Variants in NFASC observed in about 807,000 individuals in gnomAD.
The protein encoded by NFASC is neurofascin.
In NFASC, 43 loss-of-function variants were observed where a neutral mutation model predicts 147.5. The observed-to-expected ratio is 0.29, with a 90% CI of 0.23 to 0.38. The LOEUF (loss-of-function observed/expected upper bound fraction) is 0.38. Among genes scored for constraint, NFASC ranks in the 10% least tolerant of loss-of-function variants. The pLI is 1.00. For missense variants in NFASC, 1,320 were observed against 1,689.0 expected (o/e 0.78, Z 3.83); for synonymous variants, 622 against 665.5 (o/e 0.93, Z 1.01).
intron 10 of NFASC, 145 bp downstream of exon 10, chr1:204,969,127 G>A (rs1332832924): frequency 2.8e-6 from 2 of 722,838 alleles, no homozygotes; most frequent in South Asian, 1.9e-5. Flanking sequence ...TGCCATGGAT[G>A]GTGTCACTCG....
At position 204,987,322 on chromosome 1, in the gene NFASC, G is replaced by T; in HGVS notation, c.2471-96G>T. The T allele has an allele frequency of 8.2e-7, 1 of 1,226,360 alleles. No homozygotes were observed. Among genetic ancestry groups the T allele is most frequent in the Non-Finnish European group, 1.2e-6 (1 of 859,418 alleles). 76.0% of individuals were successfully genotyped at this position (1,226,360 alleles called of 1,614,324 possible). On this transcript the variant is annotated intron_variant, in intron 21 of 29. Transcript: ENST00000339876. This position sits in a 1 kb window ranked among gnomAD's most constrained non-coding sequence, Gnocchi z 4.4. ...TGTCGAGCATGGGGGTTGTCCAGAG[G>T]TCAATGCCTTCATACTTGTGCTTTG...
intron 2 of NFASC, among the ~76,000 whole-genome samples, chr1:204,935,284 C>A (rs1455846968): frequency 6.6e-6 from 1 of 152,148 alleles, no homozygotes; most frequent in Non-Finnish European, 1.5e-5. Context: ...ACAAAGATCA[C>A]CCACATGAGA....
At chr1:204,877,072 A>ATATATATAATATATTTATTTATATATT (rs2079143093) in intron 1 of NFASC, among the ~76,000 whole-genome samples, 1 of 118,198 alleles carries the variant, frequency 8.5e-6, no homozygotes, top group Non-Finnish European at 1.6e-5. Flanking sequence ...ATATATTTAT[A>ATATATATAATATATTTATTTATATATT]TATATATAAT....
chr1:204,933,146 T>C (rs536236829), intron 2 of NFASC, among the ~76,000 whole-genome samples: 76 of 151,588 alleles, frequency 5.0e-4, no homozygotes, highest in Admixed American at 9.2e-4. Context: ...TATGAAAGGG[T>C]TTTCAGAGGA....
chr1:205,002,580 G>C lies in NFASC; in HGVS notation c.3137-16G>C. The C allele has an allele frequency of 6.8e-7, 1 of 1,469,636 alleles. No individual in the cohort carries two copies. The allele number at this position is 1,469,636 out of a possible 1,614,324, so 91.0% of individuals were successfully genotyped here. A position where few individuals can be genotyped will look rare whatever the true frequency, so the allele number is the denominator to read the frequency against. On this transcript the variant is annotated splice_polypyrimidine_tract_variant and intron_variant, in intron 26 of 29. Coordinates refer to ENST00000339876, the MANE Select transcript of NFASC (RefSeq NM_001005388.3). ...TGGTGCCTGGCTCTAGGCTGATTGA[G>C]GTTTCTGTTCCCCAGGCAACCATAC...
chr1:204,859,325 T>C (rs1196112365), intron 1 of NFASC, among the ~76,000 whole-genome samples: 2 of 152,142 alleles, frequency 1.3e-5, no homozygotes, highest in Non-Finnish European at 2.9e-5. Flanking sequence ...GGCAGGGTCT[T>C]CCCCCGCCTT....
chr1:204,994,609 A>G (rs539217459), intron 24 of NFASC, among the ~76,000 whole-genome samples: 46 of 152,314 alleles, frequency 3.0e-4, no homozygotes, highest in Non-Finnish European at 5.4e-4. Flanking sequence ...AGGCTCCTGC[A>G]CTACGCGGTG....
At chr1:205,007,993 A>G (rs1055503172) in intron 27 of NFASC, among the ~76,000 whole-genome samples, 2 of 152,112 alleles carry the variant, frequency 1.3e-5, no homozygotes, top group Non-Finnish European at 2.9e-5. Flanking sequence ...TCTGCAGCCT[A>G]CCTAGATCAT....
chr1:205,002,850 C>T (rs1475973119), intron 27 of NFASC, 102 bp downstream of exon 27: 3 of 921,634 alleles, frequency 3.3e-6, no homozygotes, highest in Admixed American at 3.1e-5. Flanking sequence ...AGACTCATCC[C>T]CCACCCCATT....
At chr1:204,887,342 A>G (rs888147815) in intron 1 of NFASC, among the ~76,000 whole-genome samples, 7 of 152,162 alleles carry the variant, frequency 4.6e-5, no homozygotes, top group Non-Finnish European at 4.4e-5. Context: ...TCCTTCTTCC[A>G]AATACTGAAT....
chr1:204,934,480 A>T (rs894096067), intron 2 of NFASC, among the ~76,000 whole-genome samples: 1 of 152,238 alleles, frequency 6.6e-6, no homozygotes, highest in Non-Finnish European at 1.5e-5. Flanking sequence ...AACCCACAAT[A>T]AGACTTGTTT....
intron 24 of NFASC, among the ~76,000 whole-genome samples, chr1:204,996,028 C>G (rs996578081): frequency 2.0e-5 from 3 of 152,088 alleles, no homozygotes; most frequent in African/African-American, 7.2e-5. Context: ...GGCTTTGTCT[C>G]TCTCTGCTTG....
At position 204,837,416 on chromosome 1, in the gene NFASC, G is replaced by A. The variant is rs1674081630; in HGVS notation, c.-200+8634G>A. On this transcript the variant is annotated intron_variant, in intron 1 of 29. Transcript: ENST00000339876. ...AATTGGCCAGGCTGCAGCAGTGGAA[G>A]AAGCGGTCTGGGGCCAGACTGTAGC... 3.9e-5 allele frequency among the ~76,000 whole-genome samples: 6 copies of A among 152,246 alleles called. No homozygotes were observed. The South Asian group carries it at 1.2e-3, about 31-fold the overall frequency.
chr1:204,899,016 A>G (rs1313100240), intron 1 of NFASC, among the ~76,000 whole-genome samples: 1 of 152,174 alleles, frequency 6.6e-6, no homozygotes, highest in Non-Finnish European at 1.5e-5. Flanking sequence ...TCCAAGTGTG[A>G]TGGGGGAGGC....
Position 204,984,159 on chromosome 1 carries a change from C to T in NFASC, c.2470+2139C>T, listed in dbSNP as rs370738805. 64 of 1,562,306 alleles carry T rather than the reference C, an allele frequency of 4.1e-5. No individual in the cohort carries two copies. The African/African-American group carries it at 5.7e-4, about 14-fold the overall frequency. On this transcript the variant is annotated intron_variant, in intron 21 of 29. Coordinates refer to ENST00000339876, the MANE Select transcript of NFASC (RefSeq NM_001005388.3). The stretch of plus-strand genomic sequence containing the variant: ...GAGTACCGAGTGAGGAAGCCAGCTC[C>T]GGACTCACCTAACTACCCAGCTCAC...
At chr1:204,847,729 G>A (rs1378298064) in intron 1 of NFASC, among the ~76,000 whole-genome samples, 2 of 152,158 alleles carry the variant, frequency 1.3e-5, no homozygotes, top group East Asian at 1.9e-4. Flanking sequence ...GGTTAAAAGT[G>A]GCTCCTCCTT....
At chr1:204,896,370 AT>A (rs1314144678) in intron 1 of NFASC, among the ~76,000 whole-genome samples, 1 of 152,192 alleles carries the variant, frequency 6.6e-6, no homozygotes, top group Non-Finnish European at 1.5e-5. Context: ...TAAGAAAATA[AT>A]TTTTAAAACA....
Position 204,979,544 on chromosome 1 carries a change from C to T in NFASC, c.2161C>T (p.Arg721Ter). The T allele has an allele frequency of 1.2e-6, 2 of 1,613,692 alleles. No individual in the cohort carries two copies. Among genetic ancestry groups the T allele is most frequent in the Non-Finnish European group, 1.7e-6 (2 of 1,179,980 alleles). ...SHPSLPSERY[R>*]TSGAPPESNP... The stretch of plus-strand genomic sequence containing the variant: ...CCCCAGCCTCCCATCCGAGCGCTAC[C>T]GAACCAGTGGAGCACGTGAGTACCC... The change falls in exon 19 of 30, where the codon CGA (arginine) becomes TGA (stop). Residue 721 changes from arginine (R) to a stop codon, truncating the protein, a stop_gained. Transcript: ENST00000339876. LOFTEE classifies it high-confidence loss of function. The surrounding 1 kb of genome is among the most constrained non-coding windows in gnomAD (Gnocchi z 6.0).
At chr1:204,946,843 A>C in intron 3 of NFASC, 1 of 491,402 alleles carries the variant, frequency 2.0e-6, no homozygotes, top group Admixed American at 2.1e-5. Context: ...GCTACCCCAC[A>C]AGACCAAGCG....
Sources: allele counts gnomAD v4.1 joint callset (sites outside exome capture counted in the v4.1 genomes callset), GRCh38; gene constraint gnomAD v4.1.1; non-coding constraint Gnocchi (gnomAD v3.1); transcripts MANE v1.5; gene names NCBI Gene and HGNC (gene_info 2026-07-23, HGNC 2026-07-21).